NRXN1: variants seen among roughly 807,000 people sequenced by gnomAD.
NRXN1 encodes the protein neurexin-1.
NRXN1 carries 39 observed loss-of-function variants against 150.9 expected under a neutral mutation model. The ratio of observed to expected loss-of-function variants is 0.26; its 90% confidence interval spans 0.20 to 0.34. The LOEUF is 0.34. Ranked by LOEUF, NRXN1 falls within the 10% of genes least tolerant of loss-of-function variation. NRXN1 has a pLI of 1.00. For missense variants in NRXN1, 1,815 were observed against 1,949.9 expected, an observed-to-expected ratio of 0.93 and a Z score of 1.30; for synonymous variants, 924 against 757.0, an observed-to-expected ratio of 1.22 and a Z score of -3.62.
At chr2:50,541,461 T>C (rs938823825) in intron 9 of NRXN1, among the ~76,000 whole-genome samples, 55 of 152,226 alleles carry the variant, frequency 3.6e-4, no homozygotes, top group African/African-American at 1.3e-3. Context: ...TTACAGTTTG[T>C]CTGACAGTAA....
chr2:50,632,970 A>G (rs1682605189), intron 5 of NRXN1: 1 of 152,096 alleles, frequency 6.6e-6, no homozygotes. Context: ...CAATATTACA[A>G]TAAAATTCTC....
intron 19 of NRXN1, among the ~76,000 whole-genome samples, chr2:50,056,861 T>C (rs999676964): frequency 3.3e-5 from 5 of 152,304 alleles, no homozygotes; most frequent in South Asian, 2.1e-4. Context: ...TGTCACTCAA[T>C]ACTCATACCA....
chr2:50,718,692 GC>G (rs1283556236), intron 5 of NRXN1, among the ~76,000 whole-genome samples: 3 of 152,090 alleles, frequency 2.0e-5, no homozygotes, highest in African/African-American at 7.2e-5. Context: ...TAAGAGACAA[GC>G]CCTTTGTATG....
intron 5 of NRXN1, among the ~76,000 whole-genome samples, chr2:50,642,381 A>G (rs1684199523): frequency 6.6e-6 from 1 of 152,074 alleles, no homozygotes; most frequent in African/African-American, 2.4e-5. Context: ...GAAAGAGGAC[A>G]CATTTAAAAT....
At chr2:50,813,213 G>T (rs1464096917) in intron 5 of NRXN1, among the ~76,000 whole-genome samples, 2 of 151,798 alleles carry the variant, frequency 1.3e-5, no homozygotes, top group Non-Finnish European at 2.9e-5. Context: ...AGATATTAAT[G>T]GCTTAAATAT....
intron 2 of NRXN1, among the ~76,000 whole-genome samples, chr2:50,968,472 C>T (rs1694474038): frequency 6.6e-6 from 1 of 152,012 alleles, no homozygotes; most frequent in Non-Finnish European, 1.5e-5. Context: ...ATGCTCTCTC[C>T]ATATAATGTT....
chr2:50,926,859 A>G (rs1249399631), intron 2 of NRXN1, among the ~76,000 whole-genome samples: 1 of 151,878 alleles, frequency 6.6e-6, no homozygotes, highest in African/African-American at 2.4e-5. Context: ...TATATATCCA[A>G]GCAGATTTGT....
intron 5 of NRXN1, among the ~76,000 whole-genome samples, chr2:50,793,298 C>T (rs1043709201): frequency 3.3e-5 from 5 of 152,104 alleles, no homozygotes; most frequent in African/African-American, 1.2e-4. Context: ...TCAGATAAAT[C>T]ATGCCAGGAT....
intron 5 of NRXN1, among the ~76,000 whole-genome samples, chr2:50,747,490 G>GTT (rs1700151526): frequency 6.6e-6 from 1 of 151,996 alleles, no homozygotes; most frequent in Non-Finnish European, 1.5e-5. Flanking sequence ...ACTCTTGAAG[G>GTT]TTCCATCTCT....
At chr2:50,888,084 T>G (rs1020118543) in intron 5 of NRXN1, among the ~76,000 whole-genome samples, 2 of 151,522 alleles carry the variant, frequency 1.3e-5, no homozygotes, top group African/African-American at 4.8e-5. Flanking sequence ...TGTCTTAATC[T>G]TTCAAGATCA....
At chr2:50,119,493 G>T (rs553978772) in intron 18 of NRXN1, among the ~76,000 whole-genome samples, 6 of 151,532 alleles carry the variant, frequency 4.0e-5, no homozygotes, top group African/African-American at 1.5e-4. Context: ...CTAAAGCCCC[G>T]CGGCAGGGAT....
intron 18 of NRXN1, among the ~76,000 whole-genome samples, chr2:50,180,067 G>A (rs555336118): frequency 2.0e-5 from 3 of 152,112 alleles, no homozygotes; most frequent in South Asian, 4.2e-4. Context: ...GTCCAGGCTG[G>A]CTGGAGTGCA....
intron 19 of NRXN1, among the ~76,000 whole-genome samples, chr2:50,084,604 G>T (rs898985685): frequency 2.0e-5 from 3 of 152,080 alleles, no homozygotes; most frequent in Non-Finnish European, 4.4e-5. Context: ...CACACCCCCC[G>T]CAGGCTGAGG....
chr2:50,050,173 T>TTTTTA (rs3046660), intron 21 of NRXN1, among the ~76,000 whole-genome samples: 3 of 148,688 alleles, frequency 2.0e-5, no homozygotes, highest in African/African-American at 7.4e-5. Context: ...TTTTTTTTTT[T>TTTTTA]ACTTTTAAAA....
intron 5 of NRXN1, among the ~76,000 whole-genome samples, chr2:50,887,652 C>T (rs1321525051): frequency 6.6e-6 from 1 of 151,358 alleles, no homozygotes; most frequent in African/African-American, 2.4e-5. Flanking sequence ...AGTGATATCA[C>T]ATCCTTGAGC....
At chr2:50,471,336 A>G (rs1012365579) in intron 16 of NRXN1, among the ~76,000 whole-genome samples, 1 of 151,776 alleles carries the variant, frequency 6.6e-6, no homozygotes. Context: ...GCTCCCACTT[A>G]TAAGTGAGTA....
Position 50,856,040 on chromosome 2 carries a change from T to TC in NRXN1, c.832+65828dup, listed in dbSNP as rs1367541096. On this transcript the variant is annotated intron_variant, in intron 5 of 22. Transcript: ENST00000401669. ...CACGAGTAGCCTTTTTTTTTTTTTT[T>TC]CCACCATGGAAAGCCTTGGTTTCTA... 4.0e-5 allele frequency among the ~76,000 whole-genome samples: 6 copies of TC among 151,630 alleles called. No homozygotes were observed. The South Asian group carries it at 6.3e-4, about 16-fold the overall frequency.
chr2:50,581,766 G>C (rs1053292406), intron 8 of NRXN1, among the ~76,000 whole-genome samples: 38 of 152,118 alleles, frequency 2.5e-4, no homozygotes, highest in Admixed American at 2.5e-3. Flanking sequence ...AAGACATCTA[G>C]CTAGAAATGA....
intron 21 of NRXN1, among the ~76,000 whole-genome samples, chr2:49,946,997 C>T (rs186637389): frequency 6.6e-6 from 1 of 152,220 alleles, no homozygotes; most frequent in East Asian, 1.9e-4. Context: ...ACCCATTCTC[C>T]TTTTGGCACA....
Sources: allele counts gnomAD v4.1 joint callset (sites outside exome capture counted in the v4.1 genomes callset), GRCh38; gene constraint gnomAD v4.1.1; transcripts MANE v1.5; gene names NCBI Gene and HGNC (gene_info 2026-07-23, HGNC 2026-07-21).